Variants in FGF2 observed in about 807,000 individuals in gnomAD.
FGF2 encodes basic fibroblast growth factor bFGF.
A neutral mutation model predicts 15.9 loss-of-function variants in FGF2; 13 were observed. That is an observed-to-expected ratio of 0.82 (90% CI 0.53 to 1.30). FGF2 has a LOEUF of 1.30. FGF2 is among the 50% of genes most tolerant of loss of function. The pLI is 0.00. For missense variants in FGF2, 163 were observed against 196.9 expected (o/e 0.83, Z 1.03); for synonymous variants, 90 against 78.4 (o/e 1.15, Z -0.78).
chr4:122,835,565 G>A (rs1055661234), intron 1 of FGF2, among the ~76,000 whole-genome samples: 11 of 151,976 alleles, frequency 7.2e-5, no homozygotes, highest in African/African-American at 2.7e-4. Flanking sequence ...CTTTCCTCCT[G>A]AATTTCTGCT....
intron 1 of FGF2, among the ~76,000 whole-genome samples, chr4:122,861,814 G>A (rs954480761): frequency 6.6e-6 from 1 of 152,086 alleles, no homozygotes; most frequent in Non-Finnish European, 1.5e-5. Flanking sequence ...TTCCTTAGAT[G>A]TGCTAGGCTT....
chr4:122,878,608 T>C (rs1176827028), intron 2 of FGF2, among the ~76,000 whole-genome samples: 1 of 151,962 alleles, frequency 6.6e-6, no homozygotes, highest in Non-Finnish European at 1.5e-5. Flanking sequence ...TAAGAAGAGA[T>C]CTAATTAGAT....
At chr4:122,840,510 G>A (rs1368536652) in intron 1 of FGF2, 2 of 152,660 alleles carry the variant, frequency 1.3e-5, no homozygotes, top group South Asian at 2.1e-4. Flanking sequence ...TTTCCAAAGC[G>A]AGTGTCTTTG....
chr4:122,841,655 G>GATC (rs1276512135), intron 1 of FGF2, among the ~76,000 whole-genome samples: 1 of 152,180 alleles, frequency 6.6e-6, no homozygotes, highest in African/African-American at 2.4e-5. Flanking sequence ...ATAGACAGCT[G>GATC]ATCCTATTTT....
intron 2 of FGF2, among the ~76,000 whole-genome samples, chr4:122,885,913 C>CTTTTTTTTTTTTTTTT (rs11310783): frequency 5.9e-5 from 5 of 84,528 alleles, no homozygotes; most frequent in Non-Finnish European, 8.6e-5. Context: ...TTTTTTTTTC[C>CTTTTTTTTTTTTTTTT]TTTTTTTTTT....
At chr4:122,857,446 TA>T (rs1471665977) in intron 1 of FGF2, among the ~76,000 whole-genome samples, 4 of 152,208 alleles carry the variant, frequency 2.6e-5, no homozygotes, top group African/African-American at 9.6e-5. Flanking sequence ...AGATGCTAAA[TA>T]GTTCCTACCT....
intron 1 of FGF2, among the ~76,000 whole-genome samples, chr4:122,866,586 T>C (rs1726598305): frequency 6.6e-6 from 1 of 152,132 alleles, no homozygotes; most frequent in South Asian, 2.1e-4. Flanking sequence ...GAAAAGATGC[T>C]CAACATTATT....
At position 122,894,738 on chromosome 4, in the gene FGF2, A is replaced by T. The variant is rs1361100929; in HGVS notation, c.*2342A>T. ...GTTTAAATGTCCATTTTTATTCATT[A>T]TGCTTTGAAAAATAATTATGGGGAA... On this transcript the variant is annotated 3_prime_UTR_variant, in exon 3 of 3. Transcript: ENST00000644866. 1.3e-5 allele frequency: 2 copies of T among 152,206 alleles called. No individual in the cohort carries two copies. The highest frequency in any genetic ancestry group is 6.5e-5 in the Admixed American group (1 of 15,282). 9.4% of individuals were successfully genotyped at this position (152,206 alleles called of 1,614,324 possible).
chr4:122,835,035 A>C (rs1375452702), intron 1 of FGF2, among the ~76,000 whole-genome samples: 1 of 152,124 alleles, frequency 6.6e-6, no homozygotes, highest in Non-Finnish European at 1.5e-5. Flanking sequence ...GGTTCCACTC[A>C]AGAGGACAAC....
intron 1 of FGF2, among the ~76,000 whole-genome samples, chr4:122,872,404 G>A (rs1726759567): frequency 6.6e-6 from 1 of 152,158 alleles, no homozygotes; most frequent in Admixed American, 6.5e-5. Flanking sequence ...ATCGATTGGA[G>A]TACCAGAAGA....
At position 122,827,233 on chromosome 4, in the gene FGF2, C is replaced by A. The variant is rs931444914; in HGVS notation, c.59C>A (p.Ala20Asp). Residue 20 changes from alanine to aspartate, a missense_variant, in exon 1 of 3, where the codon GCC becomes GAC. Ala to Asp is a moderately radical substitution (Grantham distance 126). Coordinates refer to ENST00000644866, the MANE Select transcript of FGF2 (RefSeq NM_001361665.2). This position sits in a 1 kb window ranked among gnomAD's most constrained non-coding sequence, Gnocchi z 4.2. ...TTGCCCGAGGATGGCGGCAGCGGCG[C>A]CTTCCCGCCCGGCCACTTCAAGGAC... ...PALPEDGGSG[A>D]FPPGHFKDPK... is the part of the protein sequence containing the mutation. 6.2e-7 allele frequency: 1 copy of A among 1,611,596 alleles called. No homozygotes were observed. The highest frequency in any genetic ancestry group is 1.1e-5 in the South Asian group (1 of 90,972).
At chr4:122,859,500 T>C (rs529947935) in intron 1 of FGF2, among the ~76,000 whole-genome samples, 1 of 152,310 alleles carries the variant, frequency 6.6e-6, no homozygotes, top group South Asian at 2.1e-4. Flanking sequence ...CATTCATACT[T>C]GCCCTCTTCT....
At chr4:122,832,391 C>T (rs1415577083) in intron 1 of FGF2, among the ~76,000 whole-genome samples, 2 of 152,104 alleles carry the variant, frequency 1.3e-5, no homozygotes, top group Non-Finnish European at 2.9e-5. Context: ...ATTACAAGCA[C>T]CTGCCACCGC....
At chr4:122,866,135 C>T (rs556487430) in intron 1 of FGF2, among the ~76,000 whole-genome samples, 4 of 152,032 alleles carry the variant, frequency 2.6e-5, no homozygotes, top group Non-Finnish European at 4.4e-5. Flanking sequence ...TTTGGGAGGC[C>T]GAGGCGGGCG....
intron 2 of FGF2, among the ~76,000 whole-genome samples, chr4:122,885,509 C>G (rs554243941): frequency 6.6e-6 from 1 of 152,072 alleles, no homozygotes; most frequent in Non-Finnish European, 1.5e-5. Context: ...TGTGATGGTA[C>G]TTGTAGCCCT....
At chr4:122,843,990 A>G (rs1350452940) in intron 1 of FGF2, among the ~76,000 whole-genome samples, 1 of 152,226 alleles carries the variant, frequency 6.6e-6, no homozygotes, top group African/African-American at 2.4e-5. Flanking sequence ...AAATAAGACA[A>G]CAGTGAAATT....
rs888035201 is a variant in FGF2, at chr4:122,896,082, G to T, written c.*3686G>T. The T allele has an allele frequency of 6.6e-6, 1 of 152,564 alleles. No individual in the cohort carries two copies. Among genetic ancestry groups the T allele is most frequent in the Non-Finnish European group, 1.5e-5 (1 of 68,028 alleles). The allele number at this position is 152,564 out of a possible 1,614,324, so 9.5% of individuals were successfully genotyped here. ...CTTTAATTTACACTAAGCTTAGGAA[G>T]TATGGCTAATGCCAACGGCAGTTTT... is the stretch of plus-strand genomic sequence containing the variant. On this transcript the variant is annotated 3_prime_UTR_variant, in exon 3 of 3. Transcript: ENST00000644866.
intron 1 of FGF2, among the ~76,000 whole-genome samples, chr4:122,875,053 T>G (rs1364599365): frequency 6.6e-6 from 1 of 152,176 alleles, no homozygotes; most frequent in Non-Finnish European, 1.5e-5. Flanking sequence ...TAACTTGGTT[T>G]AACTAAGATT....
chr4:122,891,262 G>A (rs1031106024), intron 2 of FGF2, among the ~76,000 whole-genome samples: 2 of 151,572 alleles, frequency 1.3e-5, no homozygotes, highest in Non-Finnish European at 2.9e-5. Flanking sequence ...AGATGGTCTC[G>A]ATCTCCTGAC....
Sources: allele counts gnomAD v4.1 joint callset (sites outside exome capture counted in the v4.1 genomes callset), GRCh38; gene constraint gnomAD v4.1.1; non-coding constraint Gnocchi (gnomAD v3.1); transcripts MANE v1.5; gene names NCBI Gene and HGNC (gene_info 2026-07-23, HGNC 2026-07-21).